The following GABRB1 variants were observed in gnomAD, a reference collection of about 807,000 sequenced individuals.
GABRB1 encodes the protein gamma-aminobutyric acid type A receptor subunit beta1.
In GABRB1, 17 loss-of-function variants were observed where a neutral mutation model predicts 51.6. That is an observed-to-expected ratio of 0.33 (90% CI 0.23 to 0.49). GABRB1 has a LOEUF of 0.49. GABRB1 is among the 20% of genes least tolerant of loss of function. The probability of loss-of-function intolerance (pLI) is 0.99; values close to 1 mark genes in which losing one functional copy is unlikely to be tolerated. For missense variants in GABRB1, 410 were observed against 600.6 expected, an observed-to-expected ratio of 0.68 and a Z score of 3.32; for synonymous variants, 247 against 218.9, an observed-to-expected ratio of 1.13 and a Z score of -1.14.
At chr4:47,362,396 G>C (rs542895426) in intron 5 of GABRB1, among the ~76,000 whole-genome samples, 20 of 152,172 alleles carry the variant, frequency 1.3e-4, no homozygotes, top group African/African-American at 4.6e-4. Context: ...TGGGATAGGT[G>C]GAGTGACCTC....
At chr4:47,392,375 A>C (rs1728029679) in intron 5 of GABRB1, among the ~76,000 whole-genome samples, 1 of 134,334 alleles carries the variant, frequency 7.4e-6, no homozygotes, top group Admixed American at 8.6e-5. Context: ...AGTCTCGCTC[A>C]GTCACCAGGC....
intron 3 of GABRB1, among the ~76,000 whole-genome samples, chr4:47,051,901 G>A (rs558837742): frequency 1.3e-5 from 2 of 152,228 alleles, no homozygotes; most frequent in African/African-American, 4.8e-5. Context: ...GGCCGAGGTG[G>A]GCAGATCACT....
chr4:47,366,424 T>C (rs1726983337), intron 5 of GABRB1, among the ~76,000 whole-genome samples: 1 of 152,212 alleles, frequency 6.6e-6, no homozygotes, highest in African/African-American at 2.4e-5. Context: ...ACCTACCTAT[T>C]CTAAGCACTG....
At chr4:47,038,842 T>G (rs1725707864) in intron 3 of GABRB1, among the ~76,000 whole-genome samples, 1 of 152,170 alleles carries the variant, frequency 6.6e-6, no homozygotes, top group South Asian at 2.1e-4. Context: ...GGGGCTCAAA[T>G]GACATAATCA....
chr4:47,148,249 G>A (rs1717265826), intron 3 of GABRB1, among the ~76,000 whole-genome samples: 1 of 152,030 alleles, frequency 6.6e-6, no homozygotes, highest in Non-Finnish European at 1.5e-5. Context: ...GAGAATGAGG[G>A]TGGAGATGGA....
chr4:47,422,962 C>A (rs763153501), intron 8 of GABRB1, among the ~76,000 whole-genome samples: 1 of 152,100 alleles, frequency 6.6e-6, no homozygotes, highest in Non-Finnish European at 1.5e-5. Flanking sequence ...TTCAAAAGTT[C>A]CTCTTTAGTG....
rs1487072326 is a variant in GABRB1 at position 47,291,143 on chromosome 4, G to A, written c.462-28984G>A. On this transcript the variant is annotated intron_variant, in intron 4 of 8. Coordinates refer to ENST00000295454, the MANE Select transcript of GABRB1 (RefSeq NM_000812.4). The stretch of plus-strand genomic sequence containing the variant: ...AGGGTCCCCCACTGTGTGTAGTCTA[G>A]GGACTTGGTGCCCTGTGTCCCAGCC... Among the ~76,000 whole-genome samples the A allele has an allele frequency of 3.3e-5, 5 of 152,034 alleles. No individual in the cohort carries two copies. In the East Asian group the frequency reaches 9.7e-4, roughly 29 times the overall value.
intron 4 of GABRB1, among the ~76,000 whole-genome samples, chr4:47,290,336 G>A (rs1237702637): frequency 1.3e-5 from 2 of 152,190 alleles, no homozygotes; most frequent in African/African-American, 2.4e-5. Flanking sequence ...CACCACATGA[G>A]GCATGACTTT....
intron 4 of GABRB1, among the ~76,000 whole-genome samples, chr4:47,235,977 AT>A (rs1721318058): frequency 6.6e-6 from 1 of 152,044 alleles, no homozygotes; most frequent in African/African-American, 2.4e-5. Flanking sequence ...TTTAAAATGG[AT>A]TGAAGTGAAC....
chr4:47,220,227 A>G (rs911034999), intron 4 of GABRB1, among the ~76,000 whole-genome samples: 5 of 151,926 alleles, frequency 3.3e-5, no homozygotes, highest in Non-Finnish European at 7.4e-5. Context: ...TTCTTAAACC[A>G]GCTCCTTTAA....
chr4:47,400,381 A>AGG (rs922735654), intron 5 of GABRB1, among the ~76,000 whole-genome samples: 1 of 152,124 alleles, frequency 6.6e-6, no homozygotes, highest in African/African-American at 2.4e-5. Flanking sequence ...TTCCTTCTCT[A>AGG]GGGCTACTGG....
chr4:47,132,468 C>T (rs111352675), intron 3 of GABRB1, among the ~76,000 whole-genome samples: 1 of 151,800 alleles, frequency 6.6e-6, no homozygotes, highest in Admixed American at 6.6e-5. Flanking sequence ...TTTAAAAAAG[C>T]TTTAAGAGAT....
intron 3 of GABRB1, among the ~76,000 whole-genome samples, chr4:47,141,090 T>A (rs535834261): frequency 1.3e-3 from 201 of 151,142 alleles, no homozygotes; most frequent in South Asian, 4.0e-3. Flanking sequence ...ACAGTTTTTT[T>A]TAAAAAAAAA....
rs1339006560 is a variant in GABRB1 at position 47,032,831 on chromosome 4, C to T, written c.240+347C>T. On this transcript the variant is annotated intron_variant, in intron 3 of 8. Transcript: ENST00000295454. ...CACCATCTGCTGGCAGCCGGGCGGCCTGCACTAGGGTCCCCGGACCGGTGG... is the reference window on the plus strand; with the variant it reads ...CACCATCTGCTGGCAGCCGGGCGGCTTGCACTAGGGTCCCCGGACCGGTGG... 8.4e-6 allele frequency: 4 copies of T among 478,502 alleles called. No individual in the cohort carries two copies. In the East Asian group the frequency reaches 1.7e-4, roughly 20 times the overall value. The allele number at this position is 478,502 out of a possible 1,614,324, so 29.6% of individuals were successfully genotyped here.
intron 5 of GABRB1, among the ~76,000 whole-genome samples, chr4:47,384,128 A>T (rs2110032225): frequency 6.6e-6 from 1 of 152,224 alleles, no homozygotes; most frequent in Non-Finnish European, 1.5e-5. Flanking sequence ...AAATGATTAC[A>T]TATTCACCAC....
chr4:47,394,307 G>T (rs1728107211), intron 5 of GABRB1, among the ~76,000 whole-genome samples: 1 of 152,170 alleles, frequency 6.6e-6, no homozygotes, highest in Admixed American at 6.5e-5. Context: ...TCCTATTCAG[G>T]CTTTGATCTA....
chr4:47,193,447 T>C (rs1719526486), intron 4 of GABRB1, among the ~76,000 whole-genome samples: 1 of 152,214 alleles, frequency 6.6e-6, no homozygotes, highest in East Asian at 1.9e-4. Flanking sequence ...CATTTTACAA[T>C]GGAAGAAACT....
At chr4:47,211,153 A>T (rs1394550610) in intron 4 of GABRB1, among the ~76,000 whole-genome samples, 1 of 152,052 alleles carries the variant, frequency 6.6e-6, no homozygotes, top group African/African-American at 2.4e-5. Flanking sequence ...TTTTTATGAG[A>T]TTCTTAATCA....
chr4:47,279,600 C>A (rs1723202405), intron 4 of GABRB1, among the ~76,000 whole-genome samples: 1 of 152,030 alleles, frequency 6.6e-6, no homozygotes, highest in Non-Finnish European at 1.5e-5. Context: ...AATGGGGGTG[C>A]ATATATATTT....
Sources: gnomAD v4.1 joint callset for allele counts (sites outside exome capture counted in the v4.1 genomes callset) on GRCh38, gnomAD v4.1.1 for gene constraint, MANE v1.5 for transcripts, NCBI Gene and HGNC (gene_info 2026-07-23, HGNC 2026-07-21) for gene names.